The following RASSF8 variants were observed in gnomAD, a reference collection of about 807,000 sequenced individuals.
RASSF8 encodes ras association domain-containing protein 8.
Under a neutral mutation model 48.5 loss-of-function variants are expected in RASSF8, and 22 were observed. The ratio of observed to expected loss-of-function variants is 0.45; its 90% confidence interval spans 0.32 to 0.65. The LOEUF (loss-of-function observed/expected upper bound fraction) is 0.65. Among genes scored for constraint, RASSF8 ranks in the 30% least tolerant of loss-of-function variants. The probability of loss-of-function intolerance (pLI) is 0.03; values close to 1 mark genes in which losing one functional copy is unlikely to be tolerated. For missense variants in RASSF8, 418 were observed against 489.2 expected, an observed-to-expected ratio of 0.85 and a Z score of 1.37; for synonymous variants, 127 against 171.5, an observed-to-expected ratio of 0.74 and a Z score of 2.03.
rs1944022790 is a variant in RASSF8 at position 26,072,614 on chromosome 12, T to C, written c.*3796T>C. ...ATGTATTTCTCAATATGTTTTTCTTTATTGACCCTAGGAGGATTTGAGTTG... is the reference window on the plus strand; with the variant it reads ...ATGTATTTCTCAATATGTTTTTCTTCATTGACCCTAGGAGGATTTGAGTTG... On this transcript the variant is annotated 3_prime_UTR_variant, in exon 6 of 6. Transcript: ENST00000689635. The C allele has an allele frequency of 5.1e-6, 5 of 985,232 alleles. No homozygotes were observed. The highest frequency in any genetic ancestry group is 6.1e-5 in the Admixed American group (1 of 16,264). The allele number at this position is 985,232 out of a possible 1,614,324, so 61.0% of individuals were successfully genotyped here.
Position 26,068,878 on chromosome 12 carries a change from T to A in RASSF8, c.*60T>A, listed in dbSNP as rs1034640536. On this transcript the variant is annotated 3_prime_UTR_variant, in exon 6 of 6. Transcript: ENST00000689635. ...GTACCAAGGACAGTAAACTTCCTTTTTGATTTGTGCCAATGATGAACAGAG... is the reference window on the plus strand; with the variant it reads ...GTACCAAGGACAGTAAACTTCCTTTATGATTTGTGCCAATGATGAACAGAG... 1.3e-6 allele frequency: 2 copies of A among 1,522,790 alleles called. No homozygotes were observed. The highest frequency in any genetic ancestry group is 4.9e-5 in the East Asian group (2 of 40,632). 94.3% of individuals were successfully genotyped at this position (1,522,790 alleles called of 1,614,324 possible). A position where few individuals can be genotyped will look rare whatever the true frequency, so the allele number is the denominator to read the frequency against.
At position 26,064,634 on chromosome 12, in the gene RASSF8, T is replaced by C. The variant is rs1495660; in HGVS notation, c.240T>C (p.Thr80=). ...ATGTGCAGCTCATTCTACGACGAAC[T>C]GGGCCGTCTCTCAGTGAGCGACCCA... ...ASDVQLILRR[T]GPSLSERPTS... is the part of the protein sequence containing the mutation. Residue 80 remains threonine, a synonymous_variant, in exon 4 of 6, where the codon ACT becomes ACC. Coordinates refer to ENST00000689635, the MANE Select transcript of RASSF8 (RefSeq NM_001394098.1). The C allele has an allele frequency of 0.033, 53,687 of 1,614,130 alleles. 6,242 individuals are homozygous for C. In the East Asian group the frequency reaches 0.35, roughly 11 times the overall value.
chr12:25,967,365 TA>T (rs1280423585), intron 1 of RASSF8, among the ~76,000 whole-genome samples: 1 of 152,258 alleles, frequency 6.6e-6, no homozygotes, highest in Non-Finnish European at 1.5e-5. Flanking sequence ...CCCTTTTAAC[TA>T]ATCTCAAATA....
At chr12:25,983,702 A>G (rs1342527213) in intron 1 of RASSF8, among the ~76,000 whole-genome samples, 1 of 152,206 alleles carries the variant, frequency 6.6e-6, no homozygotes, top group Admixed American at 6.5e-5. Context: ...AAAAAAGAAA[A>G]AAAACAAAAA....
At chr12:26,028,527 A>C in intron 2 of RASSF8, among the ~76,000 whole-genome samples, 1 of 151,736 alleles carries the variant, frequency 6.6e-6, no homozygotes, top group East Asian at 2.0e-4. Context: ...AAATGTCTAC[A>C]TGTTCCTTGG....
chr12:26,046,169 C>T (rs1244306889), intron 2 of RASSF8, among the ~76,000 whole-genome samples: 1 of 152,186 alleles, frequency 6.6e-6, no homozygotes, highest in African/African-American at 2.4e-5. Flanking sequence ...CTCCTTATTT[C>T]TGTGGCAACA....
At chr12:25,994,364 G>A (rs1042221672) in intron 1 of RASSF8, among the ~76,000 whole-genome samples, 1 of 152,108 alleles carries the variant, frequency 6.6e-6, no homozygotes, top group Non-Finnish European at 1.5e-5. Context: ...TCTGTGAAGG[G>A]CATAGTCTGA....
chr12:26,068,749 C>T lies in RASSF8; in HGVS notation c.1191C>T (p.Leu397=), dbSNP rs958765758. 5.2e-6 allele frequency: 8 copies of T among 1,537,174 alleles called. 1 individual carries two copies. The East Asian group carries it at 1.5e-4, about 28-fold the overall frequency. ...SLKRPGSSRQ[L]PSNLRILQNP... ...AGCGACCTGGTTCATCTCGGCAGCT[C>T]CCCAGTAATCTCCGCATTCTGCAGA... Residue 397 remains leucine (L), a synonymous_variant, in exon 6 of 6, where the codon CTC becomes CTT. Transcript: ENST00000689635.
rs1418059731 is a variant in RASSF8 at position 26,072,849 on chromosome 12, T to C, written c.*4031T>C. 4 of 905,026 alleles carry C rather than the reference T, an allele frequency of 4.4e-6. No homozygotes were observed. The East Asian group carries it at 4.8e-4, about 108-fold the overall frequency. The allele number at this position is 905,026 out of a possible 1,614,324, so 56.1% of individuals were successfully genotyped here. On this transcript the variant is annotated 3_prime_UTR_variant, in exon 6 of 6. Coordinates refer to ENST00000689635, the MANE Select transcript of RASSF8 (RefSeq NM_001394098.1). ...ATTGGATATTCTCCCAAATAATAAA[T>C]TTTCAGGATTCATTGGGGCATTACA...
At chr12:26,067,448 G>C (rs970057323) in intron 4 of RASSF8, 121 bp from the exon 5 acceptor site, 2 of 1,072,374 alleles carry the variant, frequency 1.9e-6, no homozygotes, top group Non-Finnish European at 2.7e-6. Context: ...TTTGTTAAAT[G>C]TGCTTTTATG....
chr12:25,978,315 TTCTGGAA>T (rs1332522312), intron 1 of RASSF8, among the ~76,000 whole-genome samples: 1 of 152,200 alleles, frequency 6.6e-6, no homozygotes, highest in Non-Finnish European at 1.5e-5. Context: ...TCCTTATATA[TTCTGGAA>T]GTGAGACTGG....
Position 26,069,790 on chromosome 12 carries a change from A to G in RASSF8, c.*972A>G, listed in dbSNP as rs1011701056. The G allele has an allele frequency of 6.4e-5, 63 of 985,256 alleles. No homozygotes were observed. The Middle Eastern group carries it at 1.6e-3, about 25-fold the overall frequency. 61.0% of individuals were successfully genotyped at this position (985,256 alleles called of 1,614,324 possible). A position where few individuals can be genotyped will look rare whatever the true frequency, so the allele number is the denominator to read the frequency against. On this transcript the variant is annotated 3_prime_UTR_variant, in exon 6 of 6. Transcript: ENST00000689635. ...TGTATGATCTGTTGGTGTACACACCATGGGTAAGGTATTGCTTGCACATAA... is the reference window on the plus strand; with the variant it reads ...TGTATGATCTGTTGGTGTACACACCGTGGGTAAGGTATTGCTTGCACATAA...
intron 2 of RASSF8, among the ~76,000 whole-genome samples, chr12:26,053,867 G>GA (rs2137233326): frequency 6.6e-6 from 1 of 152,314 alleles, no homozygotes; most frequent in Admixed American, 6.5e-5. Context: ...CTTCTCTGGA[G>GA]AAAATAATTA....
chr12:26,016,716 T>C (rs1942659762), intron 2 of RASSF8, among the ~76,000 whole-genome samples: 1 of 152,220 alleles, frequency 6.6e-6, no homozygotes, highest in Non-Finnish European at 1.5e-5. Context: ...CGTCAGTCCA[T>C]TTCATAAGGT....
chr12:26,001,605 C>A (rs1212828053), intron 2 of RASSF8, among the ~76,000 whole-genome samples: 3 of 151,790 alleles, frequency 2.0e-5, no homozygotes, highest in African/African-American at 4.8e-5. Flanking sequence ...CACAAACACA[C>A]ATTTTAGCCT....
chr12:26,032,571 A>C (rs1943051769), intron 2 of RASSF8, among the ~76,000 whole-genome samples: 1 of 151,988 alleles, frequency 6.6e-6, no homozygotes, highest in Non-Finnish European at 1.5e-5. Context: ...GCAACAAAAA[A>C]TTCTGAGGGA....
Position 26,055,265 on chromosome 12 carries a change from C to T in RASSF8, c.-79C>T. The T allele has an allele frequency of 1.7e-6, 2 of 1,159,108 alleles. No individual in the cohort carries two copies. The highest frequency in any genetic ancestry group is 2.6e-6 in the Non-Finnish European group (2 of 766,074). The allele number at this position is 1,159,108 out of a possible 1,614,324, so 71.8% of individuals were successfully genotyped here. On this transcript the variant is annotated 5_prime_UTR_variant, in exon 3 of 6. Transcript: ENST00000689635. ...CTACACAGACTTAGTCTTCTCCACT[C>T]CGTGTTCCTGCAGCTAGAGACATGA...
chr12:25,972,436 G>A (rs1482370790), intron 1 of RASSF8, among the ~76,000 whole-genome samples: 1 of 151,922 alleles, frequency 6.6e-6, no homozygotes, highest in Non-Finnish European at 1.5e-5. Context: ...AAGAGTAAGG[G>A]CATTTACTCC....
chr12:26,072,216 T>G lies in RASSF8; in HGVS notation c.*3398T>G. 8 of 969,794 alleles carry G rather than the reference T, an allele frequency of 8.2e-6. No individual in the cohort carries two copies. Among genetic ancestry groups the G allele is most frequent in the Non-Finnish European group, 9.8e-6 (8 of 815,666 alleles). 60.1% of individuals were successfully genotyped at this position (969,794 alleles called of 1,614,324 possible). ...TTTATATTGTGTTAAAATTAGCTTATAATTATTACTTTTGTATTGTGTTCA... is the reference window on the plus strand; with the variant it reads ...TTTATATTGTGTTAAAATTAGCTTAGAATTATTACTTTTGTATTGTGTTCA... On this transcript the variant is annotated 3_prime_UTR_variant, in exon 6 of 6. Coordinates refer to ENST00000689635, the MANE Select transcript of RASSF8 (RefSeq NM_001394098.1).
Sources: allele counts gnomAD v4.1 joint callset (sites outside exome capture counted in the v4.1 genomes callset), GRCh38; gene constraint gnomAD v4.1.1; transcripts MANE v1.5; gene names NCBI Gene and HGNC (gene_info 2026-07-23, HGNC 2026-07-21).